The following RNGTT variants were observed in gnomAD, a reference collection of about 807,000 sequenced individuals.
RNGTT encodes the protein RNA guanylyltransferase and 5'-phosphatase.
Under a neutral mutation model 79.3 loss-of-function variants are expected in RNGTT, and 33 were observed. That is an observed-to-expected ratio of 0.42 (90% confidence interval 0.32 to 0.56). RNGTT has a LOEUF of 0.56. RNGTT is among the 20% of genes least tolerant of loss of function. RNGTT has a pLI of 0.17. For missense variants in RNGTT, 497 were observed against 739.1 expected (o/e 0.67, Z 3.80); for synonymous variants, 222 against 235.9 (o/e 0.94, Z 0.54).
At chr6:88,778,655 TCAAA>T (rs1562248246) in intron 12 of RNGTT, among the ~76,000 whole-genome samples, 1 of 152,120 alleles carries the variant, frequency 6.6e-6, no homozygotes, top group African/African-American at 2.4e-5. Flanking sequence ...TGCACCCAGC[TCAAA>T]CAGATTTTTA....
chr6:88,859,588 G>A (rs970423327), intron 8 of RNGTT, among the ~76,000 whole-genome samples: 3 of 152,190 alleles, frequency 2.0e-5, no homozygotes, highest in African/African-American at 7.2e-5. Context: ...GTGTCCAATA[G>A]AGGATGGTCA....
At chr6:88,833,701 T>A (rs917388424) in intron 11 of RNGTT, among the ~76,000 whole-genome samples, 1 of 152,210 alleles carries the variant, frequency 6.6e-6, no homozygotes, top group South Asian at 2.1e-4. Context: ...TTAGGCAAAG[T>A]AACTGCCTCT....
At chr6:88,685,050 T>G (rs767309780) in intron 13 of RNGTT, among the ~76,000 whole-genome samples, 1 of 152,150 alleles carries the variant, frequency 6.6e-6, no homozygotes, top group East Asian at 1.9e-4. Context: ...CTAAAAAGAC[T>G]ACATACTATA....
At chr6:88,905,753 A>C (rs937224643) in intron 5 of RNGTT, among the ~76,000 whole-genome samples, 1 of 152,254 alleles carries the variant, frequency 6.6e-6, no homozygotes, top group Non-Finnish European at 1.5e-5. Flanking sequence ...TATTGGAAGA[A>C]TCTGTCTCTG....
At chr6:88,897,665 T>TA (rs1562308630) in intron 6 of RNGTT, among the ~76,000 whole-genome samples, 2 of 152,168 alleles carry the variant, frequency 1.3e-5, no homozygotes, top group Admixed American at 1.3e-4. Flanking sequence ...AACCTAACAC[T>TA]AGTGCTTGCA....
At chr6:88,942,036 G>T (rs755252009) in intron 1 of RNGTT, among the ~76,000 whole-genome samples, 6 of 151,858 alleles carry the variant, frequency 4.0e-5, no homozygotes, top group Non-Finnish European at 5.9e-5. Context: ...TGTTGTCCAG[G>T]CTAGTCTCAA....
chr6:88,868,266 T>C (rs866811493), intron 8 of RNGTT, among the ~76,000 whole-genome samples: 3 of 152,172 alleles, frequency 2.0e-5, no homozygotes, highest in Non-Finnish European at 4.4e-5. Context: ...CCCATTTTAA[T>C]AGCCTCCTAA....
chr6:88,681,249 C>T (rs2127791081), intron 13 of RNGTT, among the ~76,000 whole-genome samples: 1 of 152,256 alleles, frequency 6.6e-6, no homozygotes, highest in South Asian at 2.1e-4. Context: ...ATATGCATTT[C>T]AGGAAGTTTG....
intron 12 of RNGTT, among the ~76,000 whole-genome samples, chr6:88,771,011 G>C (rs1778637806): frequency 6.6e-6 from 1 of 151,818 alleles, no homozygotes; most frequent in Non-Finnish European, 1.5e-5. Context: ...AATAGTCTTG[G>C]TTGGATATAT....
At position 88,841,318 on chromosome 6, in the gene RNGTT, T is replaced by C. The variant is rs897680786; in HGVS notation, c.1269+3039A>G. Among the ~76,000 whole-genome samples, 15 of 152,204 alleles carry C rather than the reference T, an allele frequency of 9.9e-5. 1 individual carries two copies. Among genetic ancestry groups the C allele is most frequent in the African/African-American group, 3.6e-4 (15 of 41,452 alleles). On this transcript the variant is annotated intron_variant, in intron 11 of 15. Coordinates refer to ENST00000369485, the MANE Select transcript of RNGTT (RefSeq NM_003800.5). ...CATAATAAAAGTAGGATGATTACTC[T>C]GTATTTGTTGAATGAAAAAGATAGC...
chr6:88,923,167 G>T (rs186353381), intron 4 of RNGTT, among the ~76,000 whole-genome samples: 1 of 152,196 alleles, frequency 6.6e-6, no homozygotes, highest in African/African-American at 2.4e-5. Context: ...ACATAAGTGG[G>T]TTCAAGTGGT....
chr6:88,858,716 G>A (rs1273523294), intron 8 of RNGTT, among the ~76,000 whole-genome samples: 2 of 152,134 alleles, frequency 1.3e-5, no homozygotes, highest in Non-Finnish European at 2.9e-5. Flanking sequence ...TTAAAATTTA[G>A]ACAATAGTTT....
At chr6:88,690,450 T>C (rs561698206) in intron 13 of RNGTT, among the ~76,000 whole-genome samples, 12 of 152,206 alleles carry the variant, frequency 7.9e-5, no homozygotes, top group African/African-American at 2.9e-4. Flanking sequence ...CTCACACCTA[T>C]AATCCTAGCG....
At chr6:88,612,914 G>C in intron 15 of RNGTT, 32 bp from the exon 16 acceptor site, 4 of 1,599,854 alleles carry the variant, frequency 2.5e-6, no homozygotes, top group Non-Finnish European at 2.6e-6. Flanking sequence ...TCTCATGTGA[G>C]GGTTAATTAA....
chr6:88,634,525 A>T (rs1490379267), intron 14 of RNGTT, among the ~76,000 whole-genome samples: 1 of 152,180 alleles, frequency 6.6e-6, no homozygotes, highest in Admixed American at 6.5e-5. Context: ...AAAAGGCTAC[A>T]GACAGAGAAA....
At chr6:88,615,811 C>T (rs9451030) in intron 14 of RNGTT, among the ~76,000 whole-genome samples, 4,672 of 152,222 alleles carry the variant, frequency 0.031, 238 homozygotes, top group African/African-American at 0.11. Flanking sequence ...ATAGAACAAT[C>T]AGTAAAATTG....
At chr6:88,621,630 G>A (rs1162202045) in intron 14 of RNGTT, among the ~76,000 whole-genome samples, 2 of 151,652 alleles carry the variant, frequency 1.3e-5, no homozygotes, top group African/African-American at 2.4e-5. Flanking sequence ...CTTGTTTCTC[G>A]GTGTCTAAGG....
intron 8 of RNGTT, among the ~76,000 whole-genome samples, chr6:88,880,226 G>A (rs1335345164): frequency 1.3e-5 from 2 of 152,144 alleles, no homozygotes; most frequent in Admixed American, 6.5e-5. Context: ...AAGGAAGAAG[G>A]GAAGGAAGGG....
intron 4 of RNGTT, among the ~76,000 whole-genome samples, chr6:88,912,094 TAAAA>T (rs949325594): frequency 7.3e-5 from 11 of 150,988 alleles, no homozygotes; most frequent in African/African-American, 2.4e-4. Flanking sequence ...AAAAATAAAA[TAAAA>T]AGAAGAAGAA....
Sources: gnomAD v4.1 joint callset for allele counts (sites outside exome capture counted in the v4.1 genomes callset) on GRCh38, gnomAD v4.1.1 for gene constraint, MANE v1.5 for transcripts, NCBI Gene and HGNC (gene_info 2026-07-23, HGNC 2026-07-21) for gene names.